DNAI1: variants seen among roughly 807,000 people sequenced by gnomAD.
DNAI1 encodes the protein dynein axonemal intermediate chain 1.
A neutral mutation model predicts 92.0 loss-of-function variants in DNAI1; 67 were observed. The observed-to-expected ratio is 0.73, with a 90% CI of 0.60 to 0.89. The LOEUF (loss-of-function observed/expected upper bound fraction) is 0.89. DNAI1 is among the 40% of genes least tolerant of loss of function. The pLI, the probability that DNAI1 is intolerant of heterozygous loss-of-function variation, is 0.00. For missense variants in DNAI1, 839 were observed against 866.6 expected, an observed-to-expected ratio of 0.97 and a Z score of 0.40; for synonymous variants, 323 against 319.6, an observed-to-expected ratio of 1.01 and a Z score of -0.11.
At chr9:34,465,666 A>G (rs1824025153) in intron 1 of DNAI1, among the ~76,000 whole-genome samples, 1 of 152,216 alleles carries the variant, frequency 6.6e-6, no homozygotes, top group African/African-American at 2.4e-5. Context: ...CACTCAGTAC[A>G]TGCCAGGTAC....
intron 10 of DNAI1, 78 bp downstream of exon 10, chr9:34,497,277 T>G: frequency 1.0e-4 from 116 of 1,120,162 alleles, no homozygotes; most frequent in Non-Finnish European, 1.3e-4. Flanking sequence ...TATTTGGGTG[T>G]CTCTTGCTAG....
At chr9:34,506,510 C>A in intron 12 of DNAI1, 117 bp from the exon 13 acceptor site, 2 of 1,395,792 alleles carry the variant, frequency 1.4e-6, no homozygotes, top group Non-Finnish European at 2.0e-6. Flanking sequence ...GAATCCCACA[C>A]TCTGACAGAT....
chr9:34,513,223 G>A, intron 16 of DNAI1, 32 bp downstream of exon 16: 3 of 1,574,368 alleles, frequency 1.9e-6, no homozygotes, highest in Non-Finnish European at 2.6e-6. Context: ...TCCTTAGAAG[G>A]CCGCTTAGAC....
Position 34,491,539 on chromosome 9 carries a change from A to C in DNAI1, c.666A>C (p.Ser222=), listed in dbSNP as rs746805669. The change falls in exon 8 of 20, where the codon TCA becomes TCC. Residue 222 remains serine (S), a synonymous_variant. Coordinates refer to ENST00000242317, the MANE Select transcript of DNAI1 (RefSeq NM_012144.4). The part of the protein sequence containing the change: ...QTEPPPRTNF[S]ATANQWEIYD... ...AGCCTCCTCCCAGGACAAACTTTTC[A>C]GCCACAGCCAATCAGGTAAGACCCT... 5.0e-6 allele frequency: 8 copies of C among 1,614,146 alleles called. No individual in the cohort carries two copies. The highest frequency in any genetic ancestry group is 2.2e-5 in the East Asian group (1 of 44,880).
At chr9:34,485,308 G>C (rs1250729330) in intron 3 of DNAI1, 68 bp downstream of exon 3, 2 of 1,605,338 alleles carry the variant, frequency 1.2e-6, no homozygotes. Context: ...TTCTTCCATA[G>C]TACATGATTA....
Position 34,485,224 on chromosome 9 carries a change from T to C in DNAI1, c.164T>C (p.Leu55Pro), listed in dbSNP as rs754149521. The change falls in exon 3 of 20, where the codon CTG (leucine) becomes CCG (proline). Residue 55 changes from leucine (L) to proline (P), a missense_variant. Physicochemically the swap from Leu to Pro is moderately conservative, Grantham distance 98. Transcript: ENST00000242317. ...SKATVRPPDQ[L>P]ELTDAELKEE... ...GCCACAGTTAGACCCCCTGACCAGC[T>C]GGAGTTGACCGATGCGGTGAGTGAG... 1.1e-5 allele frequency: 17 copies of C among 1,614,072 alleles called. No individual in the cohort carries two copies. In the Middle Eastern group the frequency reaches 6.6e-4, roughly 62 times the overall value.
intron 8 of DNAI1, among the ~76,000 whole-genome samples, chr9:34,492,899 T>A (rs1241218423): frequency 1.3e-5 from 2 of 152,102 alleles, no homozygotes; most frequent in Non-Finnish European, 2.9e-5. Flanking sequence ...TGCCCATTTG[T>A]TCTGCCTGCT....
intron 15 of DNAI1, 26 bp from the exon 16 acceptor site, chr9:34,513,086 A>G (rs1825101233): frequency 1.2e-6 from 2 of 1,604,952 alleles, no homozygotes; most frequent in South Asian, 1.1e-5. Flanking sequence ...AACTGGGCTA[A>G]GCCTGCCCCT....
chr9:34,518,095 A>G (rs997967690), intron 19 of DNAI1, among the ~76,000 whole-genome samples: 2 of 152,166 alleles, frequency 1.3e-5, no homozygotes, highest in African/African-American at 2.4e-5. Flanking sequence ...AGACTTATGA[A>G]CCCAGGCTTT....
intron 1 of DNAI1, among the ~76,000 whole-genome samples, chr9:34,483,138 T>A (rs1299631335): frequency 6.6e-6 from 1 of 152,176 alleles, no homozygotes; most frequent in Non-Finnish European, 1.5e-5. Context: ...TTCCCGCTGG[T>A]GCCTCTCCCT....
chr9:34,490,101 C>T lies in DNAI1; in HGVS notation c.478C>T (p.Gln160Ter), dbSNP rs1382526892. ...GGAGTTAGAAACTGAGCCTGGGAGTCAAACAGATGTGCCTGCAGCTGGGGT... is the reference window on the plus strand; with the variant it reads ...GGAGTTAGAAACTGAGCCTGGGAGTTAAACAGATGTGCCTGCAGCTGGGGT... The part of the protein sequence containing the change: ...PKELETEPGS[Q>*]TDVPAAGAAE... The change falls in exon 6 of 20, where the codon CAA becomes TAA. Residue 160 changes from glutamine (Q) to a stop codon, truncating the protein, a stop_gained. Transcript: ENST00000242317. LOFTEE classifies it high-confidence loss of function. The T allele has an allele frequency of 6.2e-7, 1 of 1,613,948 alleles. No homozygotes were observed. Among genetic ancestry groups the T allele is most frequent in the Non-Finnish European group, 8.5e-7 (1 of 1,180,026 alleles).
intron 12 of DNAI1, among the ~76,000 whole-genome samples, chr9:34,502,581 T>C (rs1170387581): frequency 2.0e-5 from 3 of 152,100 alleles, no homozygotes; most frequent in African/African-American, 7.2e-5. Flanking sequence ...GTCGGGGTCA[T>C]GTGGAGGCTG....
At chr9:34,483,137 G>A (rs1396997216) in intron 1 of DNAI1, among the ~76,000 whole-genome samples, 3 of 152,214 alleles carry the variant, frequency 2.0e-5, no homozygotes, top group Non-Finnish European at 4.4e-5. Context: ...GTTCCCGCTG[G>A]TGCCTCTCCC....
chr9:34,506,700 G>A lies in DNAI1; in HGVS notation c.1137G>A (p.Met379Ile). 1 of 1,614,196 alleles carries A rather than the reference G, an allele frequency of 6.2e-7. No individual in the cohort carries two copies. Among genetic ancestry groups the A allele is most frequent in the Non-Finnish European group, 8.5e-7 (1 of 1,180,040 alleles). ...AGAACCCCAGCTTCCCTGAGTACAT[G>A]TTCAGCAGCAACAGCGGCGTCATGT... ...SLKNPSFPEY[M>I]FSSNSGVMCL... is the part of the protein sequence containing the mutation. Residue 379 changes from methionine (M) to isoleucine (I), a missense_variant, in exon 13 of 20, where the codon ATG (methionine) becomes ATA (isoleucine). By Grantham distance (10) the Met-to-Ile change is conservative. Coordinates refer to ENST00000242317, the MANE Select transcript of DNAI1 (RefSeq NM_012144.4).
chr9:34,463,023 C>T (rs1823977404), intron 1 of DNAI1, among the ~76,000 whole-genome samples: 1 of 152,026 alleles, frequency 6.6e-6, no homozygotes, highest in South Asian at 2.1e-4. Context: ...AAAACTAAAT[C>T]AGAGAAGTAG....
At chr9:34,491,362 C>G in intron 7 of DNAI1, 133 bp from the exon 8 acceptor site, 1 of 888,480 alleles carries the variant, frequency 1.1e-6, no homozygotes. Context: ...CCAAGCCCCT[C>G]TTTACTTCCC....
rs1824585506 is a variant in DNAI1, at chr9:34,491,310, T to G, written c.622-185T>G. The G allele has an allele frequency of 2.2e-5, 15 of 674,262 alleles. No homozygotes were observed. The South Asian group carries it at 2.6e-4, about 12-fold the overall frequency. 41.8% of individuals were successfully genotyped at this position (674,262 alleles called of 1,614,324 possible). On this transcript the variant is annotated intron_variant, in intron 7 of 19. Transcript: ENST00000242317. ...ATACTTCTTCTGAAGGAGGCCAGAATGGACACAATATGGGCTTTGAATGCA... is the reference window on the plus strand; with the variant it reads ...ATACTTCTTCTGAAGGAGGCCAGAAGGGACACAATATGGGCTTTGAATGCA...
Position 34,506,634 on chromosome 9 carries a change from CATGA to C in DNAI1, c.1073_1076del (p.Met358SerfsTer12), listed in dbSNP as rs762611736. The stretch of plus-strand genomic sequence containing the variant: ...CCCATCTTCCCTGGGTAGATGACTT[CATGA>C]AGCAGAGCCGGGGCATGCTGCTGCT... On this transcript the variant is annotated frameshift_variant, in exon 13 of 20. Coordinates refer to ENST00000242317, the MANE Select transcript of DNAI1 (RefSeq NM_012144.4). LOFTEE classifies it high-confidence loss of function. 3 of 1,614,054 alleles carry C rather than the reference CATGA, an allele frequency of 1.9e-6. No homozygotes were observed. Among genetic ancestry groups the C allele is most frequent in the Non-Finnish European group, 2.5e-6 (3 of 1,180,034 alleles).
At chr9:34,508,634 T>C (rs1007849749) in intron 13 of DNAI1, among the ~76,000 whole-genome samples, 4 of 152,148 alleles carry the variant, frequency 2.6e-5, no homozygotes, top group African/African-American at 9.7e-5. Flanking sequence ...GCATCTCTGG[T>C]TGGCCTGACC....
Sources: allele counts gnomAD v4.1 joint callset (sites outside exome capture counted in the v4.1 genomes callset), GRCh38; gene constraint gnomAD v4.1.1; transcripts MANE v1.5; gene names NCBI Gene and HGNC (gene_info 2026-07-23, HGNC 2026-07-21).